The following NUP98 variants were observed in gnomAD, a reference collection of about 807,000 sequenced individuals.
The protein encoded by NUP98 is nucleoporin 98 and 96 precursor.
Under a neutral mutation model 191.9 loss-of-function variants are expected in NUP98, and 26 were observed. That is an observed-to-expected ratio of 0.14 (90% confidence interval 0.10 to 0.19). The LOEUF (loss-of-function observed/expected upper bound fraction) is 0.19, where lower values mean the gene tolerates loss of function less well. Ranked by LOEUF, NUP98 falls within the 10% of genes least tolerant of loss-of-function variation. The probability of loss-of-function intolerance (pLI) is 1.00; values close to 1 mark genes in which losing one functional copy is unlikely to be tolerated. For synonymous variants in NUP98, 808 were observed against 778.4 expected (o/e 1.04, Z -0.63); for missense variants, 1,941 against 2,178.8 (o/e 0.89, Z 2.17).
chr11:3,725,818 C>G (rs2079596242), intron 14 of NUP98, among the ~76,000 whole-genome samples: 1 of 152,118 alleles, frequency 6.6e-6, no homozygotes, highest in Non-Finnish European at 1.5e-5. Flanking sequence ...AGGTTTTTCT[C>G]TTTTTTCTTT....
intron 1 of NUP98, among the ~76,000 whole-genome samples, chr11:3,790,556 G>A (rs1226617780): frequency 1.3e-5 from 2 of 152,070 alleles, no homozygotes; most frequent in Admixed American, 1.3e-4. Flanking sequence ...TCTGACCTCT[G>A]TGCTGATGTG....
At position 3,679,674 on chromosome 11, in the gene NUP98, C is replaced by G; in HGVS notation, c.4953G>C (p.Lys1651Asn). ...AIINENYDYL[K>N]GFLEDLAPPE... ...GAGGTGCCAGGTCTTCCAAGAACCCCTTCAGGTAGTCATAGTTCTCATTAA... is the reference window on the plus strand; with the variant it reads ...GAGGTGCCAGGTCTTCCAAGAACCCGTTCAGGTAGTCATAGTTCTCATTAA... The change falls in exon 31 of 33, where the codon AAG becomes AAC. Residue 1651 changes from lysine to asparagine, a missense_variant. Coordinates refer to ENST00000324932, the MANE Select transcript of NUP98 (RefSeq NM_016320.5). 1 of 1,614,054 alleles carries G rather than the reference C, an allele frequency of 6.2e-7. No individual in the cohort carries two copies. The highest frequency in any genetic ancestry group is 8.5e-7 in the Non-Finnish European group (1 of 1,179,966).
intron 1 of NUP98, among the ~76,000 whole-genome samples, chr11:3,793,631 A>C (rs2082428790): frequency 6.6e-6 from 1 of 152,050 alleles, no homozygotes; most frequent in South Asian, 2.1e-4. Context: ...ACTAAAAAAA[A>C]CTGCAAGTAT....
In NUP98 at chr11:3,702,563, T is replaced by C. The variant is rs1355335423; in HGVS notation, c.3412A>G (p.Asn1138Asp). The change falls in exon 23 of 33, where the codon AAT becomes GAT. Residue 1138 changes from asparagine to aspartate, a missense_variant. Physicochemically the swap from Asn to Asp is conservative, Grantham distance 23. Transcript: ENST00000324932. The stretch of plus-strand genomic sequence containing the variant: ...GAGCCATTCAGCTGTTCTCCACTAT[T>C]AGCAAGAGTCCAGTTGGGGCCCCAA... The part of the protein sequence containing the change: ...VGWGPNWTLA[N>D]SGEQLNGSHE... 6.2e-7 allele frequency: 1 copy of C among 1,614,124 alleles called. No individual in the cohort carries two copies. The highest frequency in any genetic ancestry group is 8.5e-7 in the Non-Finnish European group (1 of 1,180,022).
chr11:3,790,005 G>A (rs1204358208), intron 1 of NUP98, among the ~76,000 whole-genome samples: 5 of 152,206 alleles, frequency 3.3e-5, no homozygotes, highest in African/African-American at 7.2e-5. Context: ...GGATGGTCTC[G>A]ATCTTCCGAC....
At position 3,699,200 on chromosome 11, in the gene NUP98, G is replaced by C; in HGVS notation, c.3891C>G (p.Ala1297=). 1 of 1,614,134 alleles carries C rather than the reference G, an allele frequency of 6.2e-7. No individual in the cohort carries two copies. Among genetic ancestry groups the C allele is most frequent in the Non-Finnish European group, 8.5e-7 (1 of 1,180,026 alleles). ...AGACTTCCTCTTCAATCTGAGGTGT[G>C]GCAGTACAGGATAGCCAGCGGGAGA... The part of the protein sequence containing the change: ...RAFSRWLSCT[A]TPQIEEEVSL... The change falls in exon 25 of 33, where the codon GCC becomes GCG. Residue 1297 remains alanine, a synonymous_variant. Transcript: ENST00000324932.
chr11:3,797,260 C>G, intron 1 of NUP98, 140 bp downstream of exon 1: 1 of 397,118 alleles, frequency 2.5e-6, no homozygotes, highest in Non-Finnish European at 4.4e-6. Context: ...CAGCACCGCC[C>G]CTCTCTCAGG....
chr11:3,692,106 T>A (rs2078330341), intron 27 of NUP98, among the ~76,000 whole-genome samples: 1 of 152,042 alleles, frequency 6.6e-6, no homozygotes, highest in Admixed American at 6.6e-5. Flanking sequence ...TGTGCCACCC[T>A]CGAACCTTGT....
chr11:3,772,355 C>T (rs1282344851), intron 6 of NUP98, among the ~76,000 whole-genome samples: 1 of 152,150 alleles, frequency 6.6e-6, no homozygotes, highest in African/African-American at 2.4e-5. Context: ...GTTCCTGGCA[C>T]AGCCCAATAA....
In NUP98 at chr11:3,686,212, A is replaced by G. The variant is rs184448266; in HGVS notation, c.4455-18T>C. On this transcript the variant is annotated intron_variant, in intron 28 of 32. Transcript: ENST00000324932. Reference sequence around the variant, plus strand: ...CATAATGTCTGCAAAGAACGTGTTGAGAGTCAACATACACAGCCAGGAGAC... The same window carrying G: ...CATAATGTCTGCAAAGAACGTGTTGGGAGTCAACATACACAGCCAGGAGAC... 81 of 1,611,914 alleles carry G rather than the reference A, an allele frequency of 5.0e-5. No individual in the cohort carries two copies. The highest frequency in any genetic ancestry group is 2.8e-4 in the Admixed American group (17 of 60,016).
At chr11:3,785,940 T>TA (rs2082126893) in intron 1 of NUP98, among the ~76,000 whole-genome samples, 2 of 151,690 alleles carry the variant, frequency 1.3e-5, no homozygotes, top group African/African-American at 4.8e-5. Context: ...TCCTTTCAAA[T>TA]ATGTTAAACT....
chr11:3,782,776 G>C (rs2082016103), intron 1 of NUP98, among the ~76,000 whole-genome samples: 1 of 151,898 alleles, frequency 6.6e-6, no homozygotes, highest in Admixed American at 6.6e-5. Flanking sequence ...AAAAACTCCT[G>C]ATCGAGTGAT....
In NUP98 at chr11:3,685,985, A is replaced by C. The variant is rs1292813189; in HGVS notation, c.4664T>G (p.Ile1555Ser). 4 of 1,613,898 alleles carry C rather than the reference A, an allele frequency of 2.5e-6. No individual in the cohort carries two copies. Among genetic ancestry groups the C allele is most frequent in the Non-Finnish European group, 3.4e-6 (4 of 1,180,000 alleles). Reference protein sequence around the residue: ...WEWAIFVLLHIDNSGIREKAV... With the variant: ...WEWAIFVLLHSDNSGIREKAV... ...GCTTCTCACTCACCCTGAGTTGTCA[A>C]TGTGCAGGAGGACAAAGATGGCCCA... is the stretch of plus-strand genomic sequence containing the variant. Residue 1555 changes from isoleucine to serine, a missense_variant, in exon 29 of 33, where the codon ATT (isoleucine) becomes AGT (serine). Around this residue, in one of 6 missense-constraint regions of NUP98, gnomAD observed 1,030 missense variants for 1,115.8 expected, o/e 0.92. Transcript: ENST00000324932.
rs912350964 is a variant in NUP98 at position 3,791,497 on chromosome 11, G to A, written c.-29+5903C>T. 1.1e-4 allele frequency among the ~76,000 whole-genome samples: 13 copies of A among 122,500 alleles called. No homozygotes were observed. In the Admixed American group the frequency reaches 1.1e-3, roughly 11 times the overall value. The allele number at this position is 122,500 out of a possible 152,430, so 80.4% of individuals were successfully genotyped here. On this transcript the variant is annotated intron_variant, in intron 1 of 32. Coordinates refer to ENST00000324932, the MANE Select transcript of NUP98 (RefSeq NM_016320.5). ...TGCAGTGAGTTGAGATCCCACCATT[G>A]TACTCCAGCCTGGGGGAAAGACCGA...
At chr11:3,785,180 AAAAC>A (rs961693588) in intron 1 of NUP98, among the ~76,000 whole-genome samples, 15 of 152,046 alleles carry the variant, frequency 9.9e-5, no homozygotes, top group African/African-American at 3.1e-4. Context: ...AGTTATGGCA[AAAAC>A]AAACAAAAAA....
intron 1 of NUP98, among the ~76,000 whole-genome samples, chr11:3,793,933 C>T (rs918511862): frequency 5.9e-5 from 9 of 152,182 alleles, no homozygotes; most frequent in African/African-American, 1.7e-4. Context: ...CACATCATTG[C>T]ACTCCAGCCG....
chr11:3,700,582 A>C (rs2078647605), intron 24 of NUP98, 28 bp downstream of exon 24: 1 of 1,501,958 alleles, frequency 6.7e-7, no homozygotes, highest in Admixed American at 1.7e-5. Context: ...TTGGGACATC[A>C]AACATTAGAA....
At chr11:3,755,561 T>C (rs2080930613) in intron 10 of NUP98, among the ~76,000 whole-genome samples, 1 of 152,200 alleles carries the variant, frequency 6.6e-6, no homozygotes, top group East Asian at 1.9e-4. Flanking sequence ...ATCACTAATA[T>C]TATACTTTGT....
chr11:3,712,338 T>C (rs1309926266), intron 20 of NUP98: 25 of 1,354,118 alleles, frequency 1.8e-5, no homozygotes, highest in Non-Finnish European at 2.4e-5. Context: ...TGACAATCTG[T>C]AGAGGAATAA....
Sources: allele counts gnomAD v4.1 joint callset (sites outside exome capture counted in the v4.1 genomes callset), GRCh38; gene constraint gnomAD v4.1.1; regional missense constraint gnomAD v4.1.1; transcripts MANE v1.5; gene names NCBI Gene and HGNC (gene_info 2026-07-23, HGNC 2026-07-21).